Variants in OSBPL1A observed in about 807,000 individuals in gnomAD.
The protein encoded by OSBPL1A is oxysterol binding protein like 1A, also known as oxysterol-binding protein-related protein 1.
A neutral mutation model predicts 137.1 loss-of-function variants in OSBPL1A; 80 were observed. That is an observed-to-expected ratio of 0.58 (90% CI 0.49 to 0.70). The LOEUF is 0.70. Ranked by LOEUF, OSBPL1A falls within the 30% of genes least tolerant of loss-of-function variation. The probability of loss-of-function intolerance (pLI) is 0.00; values close to 1 mark genes in which losing one functional copy is unlikely to be tolerated. For missense variants in OSBPL1A, 970 were observed against 1,129.4 expected, an observed-to-expected ratio of 0.86 and a Z score of 2.02; for synonymous variants, 365 against 389.7, an observed-to-expected ratio of 0.94 and a Z score of 0.75.
intron 15 of OSBPL1A, among the ~76,000 whole-genome samples, chr18:24,243,885 T>C (rs1311969729): frequency 6.6e-6 from 1 of 152,188 alleles, no homozygotes; most frequent in African/African-American, 2.4e-5. Context: ...TAACTACACA[T>C]CACAGAAAAT....
rs754098499 is a variant in OSBPL1A, at chr18:24,166,581, A to C, written c.2657T>G (p.Ile886Arg). ...TGGCTTTGGCGGATGCTAGTTACCTATCTCTCCATTTTCCATGGCTCTGAT... is the reference window on the plus strand; with the variant it reads ...TGGCTTTGGCGGATGCTAGTTACCTCTCTCTCCATTTTCCATGGCTCTGAT... Reference protein sequence around the residue: ...PDIRAMENGEIDQASEEKKRL... With the variant: ...PDIRAMENGERDQASEEKKRL... Residue 886 changes from isoleucine to arginine, a missense_variant and splice_region_variant, in exon 26 of 28, where the codon ATA (isoleucine) becomes AGA (arginine). Physicochemically the swap from Ile to Arg is moderately conservative, Grantham distance 97. Transcript: ENST00000319481. 1.2e-6 allele frequency: 2 copies of C among 1,607,660 alleles called. No homozygotes were observed. Among genetic ancestry groups the C allele is most frequent in the South Asian group, 1.1e-5 (1 of 89,680 alleles).
At chr18:24,385,570 G>C (rs934796093) in intron 1 of OSBPL1A, among the ~76,000 whole-genome samples, 2 of 152,126 alleles carry the variant, frequency 1.3e-5, no homozygotes, top group African/African-American at 4.8e-5. Flanking sequence ...AGGGGACACA[G>C]AAGAGGGTGG....
At chr18:24,353,145 A>G (rs2091472672) in intron 4 of OSBPL1A, among the ~76,000 whole-genome samples, 2 of 152,230 alleles carry the variant, frequency 1.3e-5, no homozygotes, top group South Asian at 4.1e-4. Flanking sequence ...ACAAAATGGG[A>G]GAAGATTTTT....
At position 24,318,534 on chromosome 18, in the gene OSBPL1A, A is replaced by C. The variant is rs2090779334; in HGVS notation, c.732+67T>G. ...TCAGAAATGATTTTTTAAAAGTTTT[A>C]AACAGAAATAGAGCACCTGAGAATT... On this transcript the variant is annotated intron_variant, in intron 9 of 27. Transcript: ENST00000319481. The C allele has an allele frequency of 2.4e-5, 32 of 1,341,398 alleles. No individual in the cohort carries two copies. The South Asian group carries it at 4.1e-4, about 17-fold the overall frequency. 83.1% of individuals were successfully genotyped at this position (1,341,398 alleles called of 1,614,324 possible). A position where few individuals can be genotyped will look rare whatever the true frequency, so the allele number is the denominator to read the frequency against.
At chr18:24,172,790 G>C (rs1486297878) in intron 21 of OSBPL1A, among the ~76,000 whole-genome samples, 1 of 151,836 alleles carries the variant, frequency 6.6e-6, no homozygotes, top group African/African-American at 2.4e-5. Context: ...AAAAGCTAAA[G>C]TAGAGACACA....
intron 4 of OSBPL1A, among the ~76,000 whole-genome samples, chr18:24,345,476 C>T (rs578026241): frequency 3.4e-4 from 52 of 152,214 alleles, no homozygotes; most frequent in Non-Finnish European, 7.6e-4. Context: ...CACTTGAGAT[C>T]AGGAGTTCAA....
At chr18:24,396,811 T>G (rs1221071945) in intron 1 of OSBPL1A, among the ~76,000 whole-genome samples, 1 of 152,188 alleles carries the variant, frequency 6.6e-6, no homozygotes, top group Non-Finnish European at 1.5e-5. Flanking sequence ...TCCCAGATGC[T>G]GAGTAAAGAG....
chr18:24,373,799 C>T (rs930842493), intron 2 of OSBPL1A, among the ~76,000 whole-genome samples: 5 of 152,282 alleles, frequency 3.3e-5, no homozygotes, highest in Non-Finnish European at 7.4e-5. Flanking sequence ...AAACACTATT[C>T]ACGCCTGGTC....
intron 1 of OSBPL1A, among the ~76,000 whole-genome samples, chr18:24,388,607 T>G (rs1041872163): frequency 6.6e-6 from 1 of 151,698 alleles, no homozygotes; most frequent in African/African-American, 2.4e-5. Context: ...CGAGAGCAGC[T>G]TGGACAACAT....
At chr18:24,175,338 A>C (rs2086419281) in intron 21 of OSBPL1A, among the ~76,000 whole-genome samples, 1 of 150,554 alleles carries the variant, frequency 6.6e-6, no homozygotes, top group African/African-American at 2.5e-5. Flanking sequence ...GGTGCATGTC[A>C]CCAAACCTGG....
chr18:24,273,554 G>A (rs183329306), intron 15 of OSBPL1A, among the ~76,000 whole-genome samples: 73 of 152,356 alleles, frequency 4.8e-4, no homozygotes, highest in African/African-American at 1.6e-3. Context: ...GGTCGAGGTA[G>A]CAGAGTTTAG....
Position 24,181,154 on chromosome 18 carries a change from T to C in OSBPL1A, c.1803A>G (p.Glu601=), listed in dbSNP as rs1294931156. 6.2e-7 allele frequency: 1 copy of C among 1,613,820 alleles called. No individual in the cohort carries two copies. The highest frequency in any genetic ancestry group is 2.2e-5 in the East Asian group (1 of 44,888). ...HKASSLSDPV[E]RMQCVAAFAV... ...CTCCCTTGGCTCATACCTGCATCCT[T>C]TCCACAGGATCAGAGAGTGAACTGG... Residue 601 remains glutamate (E), a synonymous_variant, in exon 19 of 28, where the codon GAA becomes GAG. Transcript: ENST00000319481.
chr18:24,248,467 C>A (rs1021019603), intron 15 of OSBPL1A, among the ~76,000 whole-genome samples: 1 of 152,182 alleles, frequency 6.6e-6, no homozygotes, highest in African/African-American at 2.4e-5. Flanking sequence ...CTTCTTCAAC[C>A]TGGTTCAAGC....
At chr18:24,361,120 C>T (rs975253164) in intron 4 of OSBPL1A, among the ~76,000 whole-genome samples, 2 of 152,146 alleles carry the variant, frequency 1.3e-5, no homozygotes, top group African/African-American at 2.4e-5. Flanking sequence ...GCCTCAACTT[C>T]CTGGGCTCAA....
chr18:24,246,127 G>A (rs1290919992), intron 15 of OSBPL1A, among the ~76,000 whole-genome samples: 6 of 151,936 alleles, frequency 3.9e-5, no homozygotes, highest in Non-Finnish European at 5.9e-5. Context: ...CAGGAGAATT[G>A]CTTGAACCTG....
chr18:24,178,091 G>T lies in OSBPL1A; in HGVS notation c.2015C>A (p.Ser672Tyr), dbSNP rs1209783352. ...GLNNDFIFHG[S>Y]IYPKLKFWGK... ...CCAGAATTTCAGTTTGGGATAGATA[G>T]AGCCATGAAAGATGAAGTCATTGTT... is the stretch of plus-strand genomic sequence containing the variant. The change falls in exon 21 of 28, where the codon TCT becomes TAT. Residue 672 changes from serine (S) to tyrosine (Y), a missense_variant. Around this residue, in one of 2 missense-constraint regions of OSBPL1A, gnomAD observed 323 missense variants for 456.8 expected, o/e 0.71. Coordinates refer to ENST00000319481, the MANE Select transcript of OSBPL1A (RefSeq NM_080597.4). 2 of 1,613,482 alleles carry T rather than the reference G, an allele frequency of 1.2e-6. No individual in the cohort carries two copies. The highest frequency in any genetic ancestry group is 2.2e-5 in the South Asian group (2 of 91,064).
intron 14 of OSBPL1A, among the ~76,000 whole-genome samples, chr18:24,295,877 A>G (rs891813065): frequency 1.3e-5 from 2 of 151,654 alleles, no homozygotes; most frequent in African/African-American, 4.8e-5. Flanking sequence ...TTTCTCCATA[A>G]CAGTAACCAT....
intron 17 of OSBPL1A, among the ~76,000 whole-genome samples, chr18:24,205,031 G>A (rs921494727): frequency 2.0e-5 from 3 of 152,144 alleles, no homozygotes; most frequent in African/African-American, 7.2e-5. Context: ...GAATACTAAT[G>A]GCTAGCATTT....
chr18:24,304,677 C>A (rs1372112625), intron 13 of OSBPL1A, among the ~76,000 whole-genome samples: 3 of 152,216 alleles, frequency 2.0e-5, no homozygotes, highest in African/African-American at 7.2e-5. Context: ...ATTTTGCACC[C>A]CCAAAATCAA....
Sources: allele counts gnomAD v4.1 joint callset (sites outside exome capture counted in the v4.1 genomes callset), GRCh38; gene constraint gnomAD v4.1.1; regional missense constraint gnomAD v4.1.1; transcripts MANE v1.5; gene names NCBI Gene and HGNC (gene_info 2026-07-23, HGNC 2026-07-21).